The following DPP3 variants were observed in gnomAD, a reference collection of about 807,000 sequenced individuals.
DPP3 encodes dipeptidyl peptidase 3, also known as DPP III.
A neutral mutation model predicts 89.8 loss-of-function variants in DPP3; 64 were observed. The observed-to-expected ratio is 0.71, with a 90% CI of 0.58 to 0.88. The LOEUF is 0.88. DPP3 is among the 40% of genes least tolerant of loss of function. The probability of loss-of-function intolerance (pLI) is 0.00; values close to 1 mark genes in which losing one functional copy is unlikely to be tolerated. For synonymous variants in DPP3, 377 were observed against 404.3 expected (o/e 0.93, Z 0.81); for missense variants, 835 against 972.5 (o/e 0.86, Z 1.88).
rs1451760338 is a variant in DPP3, at chr11:66,509,397, C to A, written c.*146C>A. On this transcript the variant is annotated 3_prime_UTR_variant, in exon 18 of 18. Transcript: ENST00000531863. ...TCAGCTGAGGGTGGTGACACAACCC[C>A]TTCCATTTGTCAGCACTTTCCAGCC... 43 of 1,537,362 alleles carry A rather than the reference C, an allele frequency of 2.8e-5. No homozygotes were observed. Among genetic ancestry groups the A allele is most frequent in the Non-Finnish European group, 3.7e-5 (42 of 1,146,760 alleles).
chr11:66,482,132 G>C, intron 1 of DPP3, 61 bp from the exon 2 acceptor site: 1 of 1,587,988 alleles, frequency 6.3e-7, no homozygotes, highest in Non-Finnish European at 8.6e-7. Flanking sequence ...TAAGAGTTCA[G>C]AGCCAGGTAT....
intron 6 of DPP3, among the ~76,000 whole-genome samples, chr11:66,488,760 C>T (rs982321108): frequency 6.6e-6 from 1 of 152,166 alleles, no homozygotes; most frequent in Non-Finnish European, 1.5e-5. Context: ...ACTCGCACCC[C>T]AGCCCCTGCT....
intron 12 of DPP3, among the ~76,000 whole-genome samples, chr11:66,494,119 C>T (rs1433494053): frequency 1.3e-5 from 2 of 152,110 alleles, no homozygotes; most frequent in South Asian, 4.1e-4. Flanking sequence ...TTCCGGGTAT[C>T]GTAGGGAGCC....
At chr11:66,490,975 G>A (rs1324695872) in intron 6 of DPP3, among the ~76,000 whole-genome samples, 3 of 151,982 alleles carry the variant, frequency 2.0e-5, no homozygotes, top group Non-Finnish European at 2.9e-5. Flanking sequence ...CACCATGTTG[G>A]CCAGACTGGT....
In DPP3 at chr11:66,486,552, C is replaced by T. The variant is rs145463220; in HGVS notation, c.373C>T (p.Arg125Trp). The change falls in exon 4 of 18, where the codon CGG becomes TGG. Residue 125 changes from arginine (R) to tryptophan (W), a missense_variant. Physicochemically the swap from Arg to Trp is moderately radical, Grantham distance 101. Transcript: ENST00000531863. ...CCTTTCCTTGCAGGAAAAGCTGGAA[C>T]GGGTGATCCTAGGGAGTGAGGCTGC... Reference protein sequence around the residue: ...VPNLPKEKLERVILGSEAAQQ... With the variant: ...VPNLPKEKLEWVILGSEAAQQ... The T allele has an allele frequency of 1.5e-5, 23 of 1,516,862 alleles. No homozygotes were observed. The highest frequency in any genetic ancestry group is 3.9e-5 in the South Asian group (3 of 77,896). 94.0% of individuals were successfully genotyped at this position (1,516,862 alleles called of 1,614,324 possible). A position where few individuals can be genotyped will look rare whatever the true frequency, so the allele number is the denominator to read the frequency against.
chr11:66,499,272 A>G lies in DPP3; in HGVS notation c.1878+1795A>G, dbSNP rs1855621550. 2.6e-5 allele frequency among the ~76,000 whole-genome samples: 4 copies of G among 150,970 alleles called. No homozygotes were observed. The South Asian group carries it at 8.4e-4, about 32-fold the overall frequency. ...CAGCTACTTGGGAGGCTGAAGCAGGAGAATCTCTTTAAACCTGAAGGCGGA... is the reference window on the plus strand; with the variant it reads ...CAGCTACTTGGGAGGCTGAAGCAGGGGAATCTCTTTAAACCTGAAGGCGGA... On this transcript the variant is annotated intron_variant, in intron 16 of 17. Transcript: ENST00000531863.
At chr11:66,495,944 C>CT (rs1855525604) in intron 15 of DPP3, among the ~76,000 whole-genome samples, 194 bp downstream of exon 15, 1 of 152,320 alleles carries the variant, frequency 6.6e-6, no homozygotes, top group Admixed American at 6.5e-5. Flanking sequence ...GAGTAGGACT[C>CT]TCCCCGGCCA....
intron 16 of DPP3, among the ~76,000 whole-genome samples, chr11:66,498,372 C>T (rs547583212): frequency 2.0e-5 from 3 of 152,106 alleles, no homozygotes; most frequent in South Asian, 2.1e-4. Context: ...GGATTACAGG[C>T]GTGAGCCACC....
rs552599872 is a variant in DPP3 at position 66,486,756 on chromosome 11, G to A, written c.498+79G>A. 20 of 1,417,178 alleles carry A rather than the reference G, an allele frequency of 1.4e-5. 1 individual carries two copies. The highest frequency in any genetic ancestry group is 1.1e-4 in the East Asian group (4 of 37,656). 87.8% of individuals were successfully genotyped at this position (1,417,178 alleles called of 1,614,324 possible). ...CCACCTGGTAAGGAGGGAAGGACAC[G>A]GGATGGGGAGGCAGTGGGCTCTGCC... is the stretch of plus-strand genomic sequence containing the variant. On this transcript the variant is annotated intron_variant, in intron 4 of 17. Transcript: ENST00000531863.
chr11:66,507,901 T>C (rs984163706), intron 17 of DPP3, among the ~76,000 whole-genome samples: 1 of 152,074 alleles, frequency 6.6e-6, no homozygotes, highest in African/African-American at 2.4e-5. Flanking sequence ...AATCTCGAAC[T>C]CCTGACCTCA....
intron 1 of DPP3, chr11:66,480,792 T>C (rs1855055582): frequency 7.0e-6 from 2 of 286,092 alleles, no homozygotes; most frequent in Non-Finnish European, 1.3e-5. Context: ...CTGTCAGACC[T>C]TCAGTAAATT....
At position 66,504,789 on chromosome 11, in the gene DPP3, A is replaced by G. The variant is rs917266286; in HGVS notation, c.2041+15A>G. On this transcript the variant is annotated intron_variant, in intron 17 of 17. Coordinates refer to ENST00000531863, the MANE Select transcript of DPP3 (RefSeq NM_130443.4). ...TCGCCTTGAAGGTAATGAGGTAATGAGGGAGCTCTTGAGCTCCCTTGATGA... is the reference window on the plus strand; with the variant it reads ...TCGCCTTGAAGGTAATGAGGTAATGGGGGAGCTCTTGAGCTCCCTTGATGA... The G allele has an allele frequency of 5.0e-6, 8 of 1,604,460 alleles. No individual in the cohort carries two copies. In the East Asian group the frequency reaches 1.6e-4, roughly 32 times the overall value.
chr11:66,500,714 C>T (rs1475772444), intron 16 of DPP3, among the ~76,000 whole-genome samples: 1 of 152,206 alleles, frequency 6.6e-6, no homozygotes, highest in Admixed American at 6.5e-5. Flanking sequence ...GAAAAACTTG[C>T]ATCTGTTCAT....
At chr11:66,485,996 T>TACACAGGCTGG (rs1389440564) in intron 3 of DPP3, among the ~76,000 whole-genome samples, 4 of 151,790 alleles carry the variant, frequency 2.6e-5, no homozygotes, top group African/African-American at 9.7e-5. Flanking sequence ...GGCTGGAGGG[T>TACACAGGCTGG]AGTGGCACGG....
At chr11:66,480,847 T>G (rs762613516) in intron 1 of DPP3, 19 of 190,720 alleles carry the variant, frequency 1.0e-4, no homozygotes, top group Non-Finnish European at 1.4e-4. Context: ...AAAATGGGCT[T>G]TCTTCTGGTT....
In DPP3 at chr11:66,493,149, G is replaced by A; in HGVS notation, c.1266G>A (p.Glu422=). 1 of 1,614,054 alleles carries A rather than the reference G, an allele frequency of 6.2e-7. No individual in the cohort carries two copies. Among genetic ancestry groups the A allele is most frequent in the Non-Finnish European group, 8.5e-7 (1 of 1,180,036 alleles). The change falls in exon 11 of 18, where the codon GAG becomes GAA. Residue 422 remains glutamate (E), a synonymous_variant. Transcript: ENST00000531863. The part of the protein sequence containing the change: ...VLAVAYATQR[E]KLTFLEEDDK... ...CTGTGGCCTACGCCACGCAGCGGGA[G>A]AAGCTTACCTTTCTGGAGGAGGATG...
intron 6 of DPP3, among the ~76,000 whole-genome samples, chr11:66,488,625 G>A (rs1323521966): frequency 1.3e-5 from 2 of 151,690 alleles, no homozygotes; most frequent in African/African-American, 2.4e-5. Context: ...TGGGGTAGTA[G>A]TAGTGGGGCC....
intron 2 of DPP3, among the ~76,000 whole-genome samples, chr11:66,483,432 C>T (rs1394150351): frequency 6.6e-6 from 1 of 152,078 alleles, no homozygotes; most frequent in African/African-American, 2.4e-5. Flanking sequence ...AGATAATGTT[C>T]TTTTCCTGCT....
intron 16 of DPP3, among the ~76,000 whole-genome samples, chr11:66,502,958 GTTTTA>G (rs571460853): frequency 4.5e-4 from 69 of 151,934 alleles, no homozygotes; most frequent in African/African-American, 1.6e-3. Flanking sequence ...TGTAAGAAAT[GTTTTA>G]TTTTATTTAT....
Sources: allele counts gnomAD v4.1 joint callset (sites outside exome capture counted in the v4.1 genomes callset), GRCh38; gene constraint gnomAD v4.1.1; transcripts MANE v1.5; gene names NCBI Gene and HGNC (gene_info 2026-07-23, HGNC 2026-07-21).